The following MYH15 variants were observed in gnomAD, a reference collection of about 807,000 sequenced individuals.
The protein encoded by MYH15 is myosin heavy chain 15, also known as myosin-15.
MYH15 carries 227 observed loss-of-function variants against 240.5 expected under a neutral mutation model. The ratio of observed to expected loss-of-function variants is 0.94; its 90% CI spans 0.85 to 1.05. MYH15 has a LOEUF of 1.05. MYH15 is among the 50% of genes least tolerant of loss of function. The probability of loss-of-function intolerance (pLI) is 0.00; values close to 1 mark genes in which losing one functional copy is unlikely to be tolerated. For missense variants in MYH15, 2,217 were observed against 2,247.5 expected, an observed-to-expected ratio of 0.99 and a Z score of 0.27; for synonymous variants, 785 against 796.7, an observed-to-expected ratio of 0.99 and a Z score of 0.25.
intron 11 of MYH15, among the ~76,000 whole-genome samples, chr3:108,479,173 A>T (rs1003299765): frequency 1.3e-5 from 2 of 152,256 alleles, no homozygotes; most frequent in Non-Finnish European, 2.9e-5. Context: ...TGTTGTAAAG[A>T]TAGCAATATG....
chr3:108,459,479 T>C (rs1165034270), intron 17 of MYH15, 30 bp from the exon 18 acceptor site: 1 of 1,437,356 alleles, frequency 7.0e-7, no homozygotes, highest in Non-Finnish European at 9.6e-7. Flanking sequence ...AAACACAAAA[T>C]CACTTTGCAA....
intron 11 of MYH15, among the ~76,000 whole-genome samples, chr3:108,478,016 C>T (rs997289955): frequency 6.6e-6 from 1 of 152,020 alleles, no homozygotes; most frequent in African/African-American, 2.4e-5. Context: ...TGGAGATATG[C>T]TAGTATGTCT....
chr3:108,536,661 G>C, the MYH15 span, among the ~76,000 whole-genome samples: 1 of 152,238 alleles, frequency 6.6e-6, no homozygotes, highest in Non-Finnish European at 1.5e-5. Context: ...AAGTATACAA[G>C]CAGCATCTTT....
chr3:108,380,694 T>C lies in MYH15; in HGVS notation c.*851A>G, dbSNP rs2082335956. 6.6e-6 allele frequency: 1 copy of C among 152,546 alleles called. No individual in the cohort carries two copies. The highest frequency in any genetic ancestry group is 2.4e-5 in the African/African-American group (1 of 41,458). 9.4% of individuals were successfully genotyped at this position (152,546 alleles called of 1,614,324 possible). A position where few individuals can be genotyped will look rare whatever the true frequency, so the allele number is the denominator to read the frequency against. On this transcript the variant is annotated 3_prime_UTR_variant, in exon 41 of 41. Coordinates refer to ENST00000693548, the MANE Select transcript of MYH15 (RefSeq NM_014981.3). ...GAAGAGCTCTGGGTCCAGGGAGCTG[T>C]CTCTGGTCTCTTCTAGCTCCCCTTT...
At chr3:108,548,271 AAAAGT>A in the MYH15 span, among the ~76,000 whole-genome samples, 1 of 152,184 alleles carries the variant, frequency 6.6e-6, no homozygotes, top group Non-Finnish European at 1.5e-5. Context: ...ATAACAGGTT[AAAAGT>A]AAACTGATAG....
rs768574402 is a variant in MYH15 at position 108,510,567 on chromosome 3, C to A, written c.-37G>T. 1 of 1,606,910 alleles carries A rather than the reference C, an allele frequency of 6.2e-7. No homozygotes were observed. The highest frequency in any genetic ancestry group is 1.7e-5 in the Admixed American group (1 of 58,684). Reference sequence around the variant, plus strand: ...CAATCCACCAAAAAAAGGCCCTAAACGTGAGTAGGCAAGATTCAACCTGAA... The same window carrying A: ...CAATCCACCAAAAAAAGGCCCTAAAAGTGAGTAGGCAAGATTCAACCTGAA... On this transcript the variant is annotated 5_prime_UTR_variant, in exon 1 of 41. Transcript: ENST00000693548.
the MYH15 span, among the ~76,000 whole-genome samples, chr3:108,535,604 T>C: frequency 1.3e-5 from 2 of 152,114 alleles, no homozygotes; most frequent in African/African-American, 2.4e-5. Context: ...TAATCTGTAG[T>C]TTAACAAGAC....
intron 35 of MYH15, among the ~76,000 whole-genome samples, chr3:108,394,851 C>A (rs1451286828): frequency 1.3e-5 from 2 of 152,200 alleles, no homozygotes; most frequent in Non-Finnish European, 2.9e-5. Flanking sequence ...TGAAAACTCG[C>A]AGTGTATATA....
At chr3:108,547,598 C>T in the MYH15 span, among the ~76,000 whole-genome samples, 1 of 152,034 alleles carries the variant, frequency 6.6e-6, no homozygotes, top group African/African-American at 2.4e-5. Context: ...GCAAATCTCA[C>T]ATGCTTTGCT....
chr3:108,435,000 C>T (rs1379293660), intron 25 of MYH15, among the ~76,000 whole-genome samples: 1 of 152,142 alleles, frequency 6.6e-6, no homozygotes, highest in Admixed American at 6.5e-5. Flanking sequence ...TTTTAAATGG[C>T]CAGTAAACCA....
intron 16 of MYH15, 34 bp from the exon 17 acceptor site, chr3:108,460,401 A>G: frequency 6.5e-7 from 1 of 1,528,164 alleles, no homozygotes; most frequent in Non-Finnish European, 8.8e-7. Flanking sequence ...AGATGAAAAC[A>G]TGTAAAAAGC....
In MYH15 at chr3:108,414,268, T is replaced by C. The variant is rs769543583; in HGVS notation, c.4109A>G (p.Asn1370Ser). 1 of 1,614,164 alleles carries C rather than the reference T, an allele frequency of 6.2e-7. No individual in the cohort carries two copies. Among genetic ancestry groups the C allele is most frequent in the African/African-American group, 1.3e-5 (1 of 75,058 alleles). ...MVQWRMKYEN[N>S]VIQRTEDLED... is the part of the protein sequence containing the mutation. ...CAAGTCTTCTGTTCTCTGGATGACA[T>C]TGTTTTCATACTTCATTCTCCATTG... Residue 1370 changes from asparagine (N) to serine (S), a missense_variant, in exon 30 of 41, where the codon AAT (asparagine) becomes AGT (serine). Coordinates refer to ENST00000693548, the MANE Select transcript of MYH15 (RefSeq NM_014981.3).
chr3:108,457,685 T>C (rs966160377), intron 18 of MYH15, among the ~76,000 whole-genome samples: 1 of 151,842 alleles, frequency 6.6e-6, no homozygotes, highest in Non-Finnish European at 1.5e-5. Context: ...TTAAATCATA[T>C]ACCCATATTT....
chr3:108,431,348 A>T (rs1024635872), intron 25 of MYH15, among the ~76,000 whole-genome samples: 1 of 152,234 alleles, frequency 6.6e-6, no homozygotes, highest in Admixed American at 6.5e-5. Context: ...GGGACCCAGC[A>T]GGAGGTAATT....
At chr3:108,403,682 C>T (rs992447884) in intron 33 of MYH15, among the ~76,000 whole-genome samples, 13 of 152,072 alleles carry the variant, frequency 8.5e-5, no homozygotes, top group African/African-American at 3.1e-4. Flanking sequence ...TCTGGATCTA[C>T]CTATTATAGT....
upstream of MYH15, among the ~76,000 whole-genome samples, chr3:108,512,204 A>G (rs973471254): frequency 1.4e-4 from 22 of 152,222 alleles, no homozygotes; most frequent in African/African-American, 4.8e-4. Context: ...TGTAATCATT[A>G]TAACAGCAAT....
Position 108,476,437 on chromosome 3 carries a change from A to T in MYH15, c.1193T>A (p.Val398Asp). 1 of 1,613,168 alleles carries T rather than the reference A, an allele frequency of 6.2e-7. No individual in the cohort carries two copies. Among genetic ancestry groups the T allele is most frequent in the Non-Finnish European group, 8.5e-7 (1 of 1,179,298 alleles). The change falls in exon 12 of 41, where the codon GTT becomes GAT. Residue 398 changes from valine to aspartate, a missense_variant. Coordinates refer to ENST00000693548, the MANE Select transcript of MYH15 (RefSeq NM_014981.3). ...VKCLIHPRIK[V>D]GNEYVTRGQT... ...ACCTCTGGTAACATATTCGTTACCA[A>T]CTTTGATTCTAGGATGGATCAAGCA...
intron 12 of MYH15, 65 bp downstream of exon 12, chr3:108,476,332 A>C: frequency 9.8e-7 from 1 of 1,017,342 alleles, no homozygotes; most frequent in East Asian, 2.4e-5. Context: ...AAAAATATAC[A>C]GTACAATATA....
the MYH15 span, among the ~76,000 whole-genome samples, chr3:108,548,857 T>C: frequency 6.6e-6 from 1 of 152,124 alleles, no homozygotes; most frequent in Non-Finnish European, 1.5e-5. Context: ...GAATCTCTTT[T>C]TATTCTTAAG....
Sources: allele counts gnomAD v4.1 joint callset (sites outside exome capture counted in the v4.1 genomes callset), GRCh38; gene constraint gnomAD v4.1.1; transcripts MANE v1.5; gene names NCBI Gene and HGNC (gene_info 2026-07-23, HGNC 2026-07-21).